The following SI variants were observed in gnomAD, a reference collection of about 807,000 sequenced individuals.
SI encodes sucrase-isomaltase, intestinal.
SI carries 235 observed loss-of-function variants against 253.3 expected under a neutral mutation model. That is an observed-to-expected ratio of 0.93 (90% CI 0.83 to 1.03). The LOEUF is 1.03. Among genes scored for constraint, SI ranks in the 50% least tolerant of loss-of-function variants. The pLI is 0.00. For missense variants in SI, 2,442 were observed against 2,211.1 expected (o/e 1.10, Z -2.09); for synonymous variants, 819 against 712.0 (o/e 1.15, Z -2.39).
At position 164,992,253 on chromosome 3, in the gene SI, C is replaced by T; in HGVS notation, c.4927-20G>A. 1.2e-6 allele frequency: 2 copies of T among 1,612,272 alleles called. No homozygotes were observed. Among genetic ancestry groups the T allele is most frequent in the East Asian group, 2.2e-5 (1 of 44,816 alleles). On this transcript the variant is annotated intron_variant, in intron 42 of 47. Transcript: ENST00000264382. Reference sequence around the variant, plus strand: ...AACATACTGGAATGTAAATAAATAGCCATTAGTTGTATATAAACCAAAGAA... The same window carrying T: ...AACATACTGGAATGTAAATAAATAGTCATTAGTTGTATATAAACCAAAGAA...
At chr3:165,069,817 A>C (rs1329027065) in intron 3 of SI, among the ~76,000 whole-genome samples, 1 of 151,826 alleles carries the variant, frequency 6.6e-6, no homozygotes, top group East Asian at 1.9e-4. Context: ...ATAAATGTTT[A>C]TTTATAAATA....
chr3:165,023,672 G>A lies in SI; in HGVS notation c.2997C>T (p.Leu999=). The change falls in exon 26 of 48, where the codon CTC becomes CTT. Residue 999 remains leucine (L), a synonymous_variant. Transcript: ENST00000264382. ...TTCTGGCATTTGCAGTATTTAGTTG[G>A]AGGTCAGCTGTTATACCCATGGATG... ...RYSSMGITAD[L]QLNTANARIK... is the part of the protein sequence containing the mutation. 2 of 1,610,882 alleles carry A rather than the reference G, an allele frequency of 1.2e-6. No homozygotes were observed. Among genetic ancestry groups the A allele is most frequent in the Non-Finnish European group, 1.7e-6 (2 of 1,177,938 alleles).
intron 21 of SI, 51 bp downstream of exon 21, chr3:165,037,849 A>T: frequency 3.1e-6 from 4 of 1,271,370 alleles, no homozygotes; most frequent in Non-Finnish European, 4.5e-6. Flanking sequence ...AATATGAAAT[A>T]TTAAGATTTG....
At chr3:165,058,538 C>A (rs1381932335) in intron 12 of SI, among the ~76,000 whole-genome samples, 1 of 151,510 alleles carries the variant, frequency 6.6e-6, no homozygotes. Flanking sequence ...TTTAGCTAGA[C>A]TAAGAAAAAA....
intron 28 of SI, among the ~76,000 whole-genome samples, chr3:165,019,019 TTATGA>T (rs976704238): frequency 6.6e-6 from 1 of 151,870 alleles, no homozygotes; most frequent in African/African-American, 2.4e-5. Context: ...AATATATTTT[TTATGA>T]TATGTTTGGA....
Position 164,996,642 on chromosome 3 carries a change from C to A in SI, c.4585G>T (p.Asp1529Tyr). The change falls in exon 40 of 48, where the codon GAC becomes TAC. Residue 1529 changes from aspartate to tyrosine, a missense_variant. Coordinates refer to ENST00000264382, the MANE Select transcript of SI (RefSeq NM_001041.4). ...GAGTTGTTGAAAAAACCACAGATGT[C>A]TGCTCCAGTCTAAAATATATTGTTA... ...SLFGMSYTGADICGFFNNSEY... is the reference protein window; with the variant it reads ...SLFGMSYTGAYICGFFNNSEY... The A allele has an allele frequency of 6.4e-7, 1 of 1,568,334 alleles. No homozygotes were observed. Among genetic ancestry groups the A allele is most frequent in the East Asian group, 2.2e-5 (1 of 44,494 alleles).
intron 37 of SI, among the ~76,000 whole-genome samples, chr3:165,005,112 C>G (rs1718441909): frequency 6.6e-6 from 1 of 152,094 alleles, no homozygotes; most frequent in Non-Finnish European, 1.5e-5. Flanking sequence ...TCCAGCCATG[C>G]AGAACTGTGA....
intron 46 of SI, 50 bp downstream of exon 46, chr3:164,982,952 T>G: frequency 6.6e-7 from 1 of 1,525,394 alleles, no homozygotes; most frequent in Non-Finnish European, 9.0e-7. Context: ...CACCCAGCTG[T>G]GAACTTCAAA....
chr3:164,988,108 T>C (rs765165383), intron 44 of SI, among the ~76,000 whole-genome samples: 1 of 152,206 alleles, frequency 6.6e-6, no homozygotes, highest in Non-Finnish European at 1.5e-5. Flanking sequence ...CCAGCAATCC[T>C]TGAGAAGCAA....
chr3:165,082,476 A>G (rs1715368341), upstream of SI, among the ~76,000 whole-genome samples: 1 of 152,018 alleles, frequency 6.6e-6, no homozygotes, highest in Non-Finnish European at 1.5e-5. Context: ...ATGATACTTA[A>G]TGCCTGGAGG....
intron 13 of SI, 128 bp downstream of exon 13, chr3:165,055,066 A>ACATT: frequency 1.6e-6 from 1 of 629,506 alleles, no homozygotes. Flanking sequence ...CTGGGAAAAA[A>ACATT]CATTATAGTA....
Position 165,021,303 on chromosome 3 carries a change from G to A in SI, c.3180C>T (p.Asp1060=), listed in dbSNP as rs188868120. Residue 1060 remains aspartate (D), a synonymous_variant, in exon 27 of 48, where the codon GAC becomes GAT. Coordinates refer to ENST00000264382, the MANE Select transcript of SI (RefSeq NM_001041.4). Reference sequence around the variant, plus strand: ...CCTTGATTTCCACATCATAAAGTCTGTCTTCATAAGTACTTATTGGGGTGG... The same window carrying A: ...CCTTGATTTCCACATCATAAAGTCTATCTTCATAAGTACTTATTGGGGTGG... ...IPTTPISTYE[D]RLYDVEIKEN... is the part of the protein sequence containing the mutation. The A allele has an allele frequency of 1.9e-6, 3 of 1,611,134 alleles. No homozygotes were observed. The highest frequency in any genetic ancestry group is 2.2e-5 in the South Asian group (2 of 91,040).
chr3:165,010,345 G>C (rs1399308053), intron 34 of SI, among the ~76,000 whole-genome samples: 1 of 152,044 alleles, frequency 6.6e-6, no homozygotes, highest in African/African-American at 2.4e-5. Flanking sequence ...ATTTTTAGTA[G>C]AGACGGGGTT....
At position 164,982,336 on chromosome 3, in the gene SI, T is replaced by C. The variant is rs1717228067; in HGVS notation, c.5322A>G (p.Val1774=). ...KSETRLGSLH[V]WGKGTTPVNA... ...TGACAGGAGTAGTTCCTTTCCCCCA[T>C]ACATGAAGGGATCCAAGCCTCGTTT... Residue 1774 remains valine (V), a synonymous_variant, in exon 47 of 48, where the codon GTA becomes GTG. Transcript: ENST00000264382. 6.2e-7 allele frequency: 1 copy of C among 1,612,634 alleles called. No homozygotes were observed. The highest frequency in any genetic ancestry group is 8.5e-7 in the Non-Finnish European group (1 of 1,178,984).
chr3:165,077,292 C>A, intron 1 of SI, among the ~76,000 whole-genome samples: 1 of 151,598 alleles, frequency 6.6e-6, no homozygotes, highest in Middle Eastern at 3.2e-3. Flanking sequence ...TGGTGAGTTC[C>A]TTACCACTCT....
At position 164,996,574 on chromosome 3, in the gene SI, A is replaced by G. The variant is rs763366493; in HGVS notation, c.4653T>C (p.Phe1551=). The part of the protein sequence containing the change: ...LCTRWMQLGA[F]YPYSRNHNIA... ...TGTTGTGATTCCTTGAGTATGGATA[A>G]AATGCTCCAAGTTGCATCCAGCGGG... is the stretch of plus-strand genomic sequence containing the variant. Residue 1551 remains phenylalanine (F), a synonymous_variant, in exon 40 of 48, where the codon TTT becomes TTC. Coordinates refer to ENST00000264382, the MANE Select transcript of SI (RefSeq NM_001041.4). 6.2e-7 allele frequency: 1 copy of G among 1,607,150 alleles called. No homozygotes were observed. Among genetic ancestry groups the G allele is most frequent in the South Asian group, 1.1e-5 (1 of 90,950 alleles).
At chr3:165,052,628 G>A (rs1713490751) in intron 13 of SI, among the ~76,000 whole-genome samples, 2 of 152,028 alleles carry the variant, frequency 1.3e-5, no homozygotes, top group Admixed American at 6.6e-5. Context: ...CAGCACTACA[G>A]CCTGGGTGAC....
intron 4 of SI, 98 bp from the exon 5 acceptor site, chr3:165,068,929 T>C (rs1714399786): frequency 1.0e-6 from 1 of 1,002,020 alleles, no homozygotes. Context: ...AAATGAGTAC[T>C]TTTTAAATTT....
intron 3 of SI, among the ~76,000 whole-genome samples, chr3:165,070,348 A>G (rs1486725418): frequency 2.1e-4 from 2 of 9,384 alleles, no homozygotes; most frequent in Admixed American, 1.4e-3. Flanking sequence ...TAAACACCAT[A>G]TATATATATA....
Sources: gnomAD v4.1 joint callset for allele counts (sites outside exome capture counted in the v4.1 genomes callset) on GRCh38, gnomAD v4.1.1 for gene constraint, MANE v1.5 for transcripts, NCBI Gene and HGNC (gene_info 2026-07-23, HGNC 2026-07-21) for gene names.